SCRG1: variants seen among roughly 807,000 people sequenced by gnomAD.
SCRG1 encodes the protein stimulator of chondrogenesis 1.
In SCRG1, 3 loss-of-function variants were observed where a neutral mutation model predicts 7.7. The ratio of observed to expected loss-of-function variants is 0.39; its 90% CI spans 0.18 to 1.01. The LOEUF is 1.01. Ranked by LOEUF, SCRG1 falls within the 50% of genes least tolerant of loss-of-function variation. The pLI, the probability that SCRG1 is intolerant of heterozygous loss-of-function variation, is 0.36. For missense variants in SCRG1, 110 were observed against 117.2 expected (o/e 0.94, Z 0.28); for synonymous variants, 46 against 41.2 (o/e 1.12, Z -0.44).
At chr4:173,515,664 G>A in the SCRG1 span, among the ~76,000 whole-genome samples, 35 of 152,198 alleles carry the variant, frequency 2.3e-4, no homozygotes, top group Admixed American at 8.5e-4. The surrounding 1 kb of genome is among the most constrained non-coding windows in gnomAD (Gnocchi z 4.6). Flanking sequence ...GAGGTGGTGG[G>A]GCTGTGTGTC....
At chr4:173,499,547 T>C in the SCRG1 span, among the ~76,000 whole-genome samples, 5 of 152,244 alleles carry the variant, frequency 3.3e-5, no homozygotes, top group African/African-American at 1.2e-4. This position sits in a 1 kb window ranked among gnomAD's most constrained non-coding sequence, Gnocchi z 4.1. Flanking sequence ...CTTCACCTAG[T>C]TCAGTATATT....
At chr4:173,483,515 T>TAA in the SCRG1 span, among the ~76,000 whole-genome samples, 2 of 12,208 alleles carry the variant, frequency 1.6e-4, 1 homozygote, top group East Asian at 6.0e-3. Flanking sequence ...TGATATATAA[T>TAA]ATATATTATA....
chr4:173,492,209 C>G, the SCRG1 span, among the ~76,000 whole-genome samples: 1 of 152,164 alleles, frequency 6.6e-6, no homozygotes, highest in East Asian at 1.9e-4. Flanking sequence ...AGTCATTGAG[C>G]CTTAGCAAAA....
chr4:173,501,271 A>ACCGTGG, the SCRG1 span, among the ~76,000 whole-genome samples: 7 of 152,170 alleles, frequency 4.6e-5, no homozygotes, highest in Non-Finnish European at 1.0e-4. The surrounding 1 kb of genome is among the most constrained non-coding windows in gnomAD (Gnocchi z 5.1). Context: ...AACAGTAACA[A>ACCGTGG]CCGTGGCCGA....
At chr4:173,485,023 A>T in the SCRG1 span, among the ~76,000 whole-genome samples, 3,031 of 11,238 alleles carry the variant, frequency 0.27, 648 homozygotes, top group East Asian at 0.55. Flanking sequence ...TATAATATAT[A>T]ATATATTATA....
the SCRG1 span, among the ~76,000 whole-genome samples, chr4:173,440,510 A>G: frequency 3.3e-5 from 5 of 152,320 alleles, no homozygotes; most frequent in Middle Eastern, 3.4e-3. Flanking sequence ...TGCTGAGGAC[A>G]CAGAAATTAG....
At chr4:173,416,911 A>AACACACACAC in the SCRG1 span, among the ~76,000 whole-genome samples, 706 of 125,224 alleles carry the variant, frequency 5.6e-3, 38 homozygotes, top group African/African-American at 0.021. Flanking sequence ...CACACACCCA[A>AACACACACAC]ACACACACAC....
the SCRG1 span, among the ~76,000 whole-genome samples, chr4:173,507,334 C>T: frequency 1.3e-5 from 2 of 152,060 alleles, no homozygotes; most frequent in East Asian, 3.9e-4. This position sits in a 1 kb window ranked among gnomAD's most constrained non-coding sequence, Gnocchi z 4.4. Flanking sequence ...TTCAGCCTCC[C>T]GAGTAGCTGG....
chr4:173,408,267 C>A (rs28457572), upstream of SCRG1, among the ~76,000 whole-genome samples: 2,769 of 152,248 alleles, frequency 0.018, 92 homozygotes, highest in African/African-American at 0.058. Flanking sequence ...ACGAAAAAAA[C>A]CCACACCTTT....
chr4:173,478,913 T>A, the SCRG1 span, among the ~76,000 whole-genome samples: 1 of 152,220 alleles, frequency 6.6e-6, no homozygotes, highest in African/African-American at 2.4e-5. Context: ...TGGTGTGTTT[T>A]CATTCATGTC....
chr4:173,484,948 T>A, the SCRG1 span, among the ~76,000 whole-genome samples: 1 of 62,468 alleles, frequency 1.6e-5, no homozygotes, highest in Non-Finnish European at 2.7e-5. Context: ...ATATATTATA[T>A]ATAATATTAT....
intron 1 of SCRG1, chr4:173,398,139 A>G (rs937594903): frequency 3.9e-5 from 6 of 152,180 alleles, no homozygotes; most frequent in Admixed American, 3.9e-4. Context: ...TTTTGTTAGA[A>G]TGACTGAGTC....
chr4:173,422,991 T>C, the SCRG1 span, among the ~76,000 whole-genome samples: 1 of 152,208 alleles, frequency 6.6e-6, no homozygotes, highest in African/African-American at 2.4e-5. Context: ...GATTATGTTT[T>C]CTCTTTGGAT....
At chr4:173,479,447 T>G in the SCRG1 span, among the ~76,000 whole-genome samples, 1 of 148,954 alleles carries the variant, frequency 6.7e-6, no homozygotes, top group Admixed American at 6.7e-5. Context: ...TTTTTTGTTT[T>G]TTTTTTTTTT....
the SCRG1 span, among the ~76,000 whole-genome samples, chr4:173,481,435 T>C: frequency 1.3e-5 from 2 of 152,214 alleles, no homozygotes; most frequent in African/African-American, 4.8e-5. Context: ...TAAATAATTA[T>C]GCCACTTAGC....
chr4:173,473,759 G>A, the SCRG1 span, among the ~76,000 whole-genome samples: 1 of 152,200 alleles, frequency 6.6e-6, no homozygotes, highest in Non-Finnish European at 1.5e-5. Flanking sequence ...ACATCCCAGA[G>A]GCCTCACTCT....
the SCRG1 span, among the ~76,000 whole-genome samples, chr4:173,412,704 A>T: frequency 6.6e-6 from 1 of 152,206 alleles, no homozygotes; most frequent in Admixed American, 6.5e-5. Flanking sequence ...CATCTTCTGA[A>T]TTAAGACTGC....
At chr4:173,477,705 C>CCCTT in the SCRG1 span, among the ~76,000 whole-genome samples, 1,703 of 128,220 alleles carry the variant, frequency 0.013, 23 homozygotes, top group Admixed American at 0.023. Context: ...TCTTTTTTTT[C>CCCTT]CCTTCCTTCC....
At chr4:173,443,831 T>A in the SCRG1 span, among the ~76,000 whole-genome samples, 1 of 152,170 alleles carries the variant, frequency 6.6e-6, no homozygotes, top group East Asian at 1.9e-4. Context: ...ATACTTGGAT[T>A]CTTCTGCATT....
Sources: gnomAD v4.1 joint callset for allele counts (sites outside exome capture counted in the v4.1 genomes callset) on GRCh38, gnomAD v4.1.1 for gene constraint, Gnocchi (gnomAD v3.1) non-coding constraint, MANE v1.5 for transcripts, NCBI Gene and HGNC (gene_info 2026-07-23, HGNC 2026-07-21) for gene names.